Variants in CEMIP observed in about 807,000 individuals in gnomAD.
CEMIP encodes the protein cell migration inducing hyaluronidase 1, also known as cell migration-inducing and hyaluronan-binding protein.
A neutral mutation model predicts 156.9 loss-of-function variants in CEMIP; 105 were observed. That is an observed-to-expected ratio of 0.67 (90% CI 0.57 to 0.79). The LOEUF (loss-of-function observed/expected upper bound fraction) is 0.79, where lower values mean the gene tolerates loss of function less well. CEMIP is among the 30% of genes least tolerant of loss of function. The pLI is 0.00. For synonymous variants in CEMIP, 676 were observed against 668.4 expected (o/e 1.01, Z -0.17); for missense variants, 1,457 against 1,769.4 (o/e 0.82, Z 3.17).
At chr15:80,852,503 C>T (rs8034432) in intron 1 of CEMIP, among the ~76,000 whole-genome samples, 4,382 of 152,104 alleles carry the variant, frequency 0.029, 199 homozygotes, top group African/African-American at 0.09. Flanking sequence ...TTAATAGTTG[C>T]GTATCGAAGA....
chr15:80,882,374 A>C (rs1898691270), intron 6 of CEMIP, among the ~76,000 whole-genome samples: 1 of 151,294 alleles, frequency 6.6e-6, no homozygotes, highest in African/African-American at 2.5e-5. Context: ...AAATTTACTC[A>C]GTCACAAGGT....
chr15:80,839,140 C>T (rs531808308), intron 1 of CEMIP, among the ~76,000 whole-genome samples: 6 of 152,234 alleles, frequency 3.9e-5, no homozygotes, highest in East Asian at 3.9e-4. Flanking sequence ...GAAGTGGTGG[C>T]AGCCACACTC....
chr15:80,919,393 G>A (rs146843144), intron 14 of CEMIP, among the ~76,000 whole-genome samples: 4 of 152,146 alleles, frequency 2.6e-5, no homozygotes, highest in South Asian at 2.1e-4. Context: ...CCATCAGGGT[G>A]GGTGCACGTG....
chr15:80,901,720 T>G (rs944139297), intron 12 of CEMIP, among the ~76,000 whole-genome samples: 15 of 150,166 alleles, frequency 1.0e-4, no homozygotes, highest in Non-Finnish European at 1.5e-4. Context: ...AAAAAAAAAT[T>G]GATTCCTCAG....
At chr15:80,794,931 C>A (rs931947670) in intron 1 of CEMIP, among the ~76,000 whole-genome samples, 11 of 152,110 alleles carry the variant, frequency 7.2e-5, no homozygotes, top group Non-Finnish European at 1.5e-4. Flanking sequence ...GAGAAAGCCT[C>A]TTTTGGGAAG....
chr15:80,830,220 T>A (rs1169377597), intron 1 of CEMIP, among the ~76,000 whole-genome samples: 1 of 152,192 alleles, frequency 6.6e-6, no homozygotes, highest in African/African-American at 2.4e-5. Flanking sequence ...TATTGGTCAT[T>A]GGCTCAGCAT....
chr15:80,944,679 G>A lies in CEMIP; in HGVS notation c.3857+1577G>A, dbSNP rs148402370. On this transcript the variant is annotated intron_variant, in intron 28 of 29. Transcript: ENST00000394685. Reference sequence around the variant, plus strand: ...TCATTCCCCCATCAGATGCTTCTTCGGCATTCTATTTTTCATATGCAGATT... The same window carrying A: ...TCATTCCCCCATCAGATGCTTCTTCAGCATTCTATTTTTCATATGCAGATT... 7.2e-5 allele frequency among the ~76,000 whole-genome samples: 11 copies of A among 152,154 alleles called. No homozygotes were observed. The East Asian group carries it at 1.9e-3, about 27-fold the overall frequency.
In CEMIP at chr15:80,909,102, T is replaced by C. The variant is rs148924648; in HGVS notation, c.1593T>C (p.Ala531=). ...FDTFGGHIKF[A]LGFKAAHLEG... is the part of the protein sequence containing the mutation. ...TCTCGGTTCTCCTCTCCTAGTTTGC[T>C]CTGGGATTTAAGGCAGCACACTTGG... The change falls in exon 14 of 30, where the codon GCT becomes GCC. Residue 531 remains alanine, a synonymous_variant. Coordinates refer to ENST00000394685, the MANE Select transcript of CEMIP (RefSeq NM_001293298.2). 1.2e-6 allele frequency: 2 copies of C among 1,613,850 alleles called. No individual in the cohort carries two copies. The highest frequency in any genetic ancestry group is 1.7e-6 in the Non-Finnish European group (2 of 1,179,980).
At chr15:80,842,023 G>C in intron 1 of CEMIP, 1 of 481,338 alleles carries the variant, frequency 2.1e-6, no homozygotes, top group Non-Finnish European at 4.1e-6. Context: ...ACTGATTTGA[G>C]ACAGTGACAA....
Position 80,920,154 on chromosome 15 carries a change from G to A in CEMIP, c.1858G>A (p.Glu620Lys). Residue 620 changes from glutamate (E) to lysine (K), a missense_variant, in exon 15 of 30, where the codon GAG becomes AAG. Glu to Lys is a moderately conservative substitution (Grantham distance 56). Coordinates refer to ENST00000394685, the MANE Select transcript of CEMIP (RefSeq NM_001293298.2). ...GHCFFTEDGP[E>K]ERNTFDHCLG... Reference sequence around the variant, plus strand: ...CTGCTTCTTCACGGAAGATGGGCCGGAGGAACGCAACACTTTTGACCACTG... The same window carrying A: ...CTGCTTCTTCACGGAAGATGGGCCGAAGGAACGCAACACTTTTGACCACTG... 3.1e-6 allele frequency: 5 copies of A among 1,614,202 alleles called. No individual in the cohort carries two copies. The highest frequency in any genetic ancestry group is 4.2e-6 in the Non-Finnish European group (5 of 1,180,032).
At chr15:80,845,532 GC>G (rs1488224872) in intron 1 of CEMIP, among the ~76,000 whole-genome samples, 1 of 152,190 alleles carries the variant, frequency 6.6e-6, no homozygotes, top group Admixed American at 6.5e-5. Context: ...TGTCAGTGGA[GC>G]CTATTTGAGA....
chr15:80,882,196 C>T (rs962907914), intron 6 of CEMIP, among the ~76,000 whole-genome samples: 2 of 152,314 alleles, frequency 1.3e-5, no homozygotes, highest in South Asian at 2.1e-4. Flanking sequence ...AGACACCCAA[C>T]CTTGCCGGTA....
chr15:80,899,779 G>A (rs568845085), intron 12 of CEMIP, among the ~76,000 whole-genome samples: 49 of 152,276 alleles, frequency 3.2e-4, no homozygotes, highest in South Asian at 1.5e-3. Flanking sequence ...TTATAGGAGG[G>A]AGCCAAGAAA....
At chr15:80,942,423 A>C (rs951471474) in intron 27 of CEMIP, 86 bp downstream of exon 27, 1 of 1,161,380 alleles carries the variant, frequency 8.6e-7, no homozygotes, top group African/African-American at 1.5e-5. Context: ...AAATTACTGC[A>C]AACTGGGAGC....
intron 1 of CEMIP, among the ~76,000 whole-genome samples, chr15:80,806,935 T>A (rs1896527873): frequency 6.6e-6 from 1 of 152,202 alleles, no homozygotes; most frequent in East Asian, 1.9e-4. Context: ...GATGAGATAA[T>A]CATCTGCATG....
At chr15:80,808,293 C>T (rs1317103882) in intron 1 of CEMIP, among the ~76,000 whole-genome samples, 1 of 152,180 alleles carries the variant, frequency 6.6e-6, no homozygotes, top group Non-Finnish European at 1.5e-5. Flanking sequence ...CCACCTGCAG[C>T]CTTCCACTGC....
At position 80,894,933 on chromosome 15, in the gene CEMIP, C is replaced by T. The variant is rs577929266; in HGVS notation, c.1087-57C>T. The T allele has an allele frequency of 1.5e-5, 24 of 1,598,730 alleles. No individual in the cohort carries two copies. The African/African-American group carries it at 2.8e-4, about 19-fold the overall frequency. On this transcript the variant is annotated intron_variant, in intron 10 of 29. Coordinates refer to ENST00000394685, the MANE Select transcript of CEMIP (RefSeq NM_001293298.2). ...ATATGTTTAGAACATTAATCAGCAC[C>T]TTCCTTCTCTATAAAAAAAAAACGA...
chr15:80,910,193 A>T (rs571503074), intron 14 of CEMIP, among the ~76,000 whole-genome samples: 14 of 152,328 alleles, frequency 9.2e-5, no homozygotes, highest in African/African-American at 2.9e-4. Context: ...CTACATAAAA[A>T]TCTGGATTCC....
In CEMIP at chr15:80,881,133, A is replaced by G; in HGVS notation, c.614A>G (p.Asp205Gly). The G allele has an allele frequency of 6.2e-7, 1 of 1,613,496 alleles. No homozygotes were observed. Among genetic ancestry groups the G allele is most frequent in the Non-Finnish European group, 8.5e-7 (1 of 1,179,444 alleles). ...DPKSGTVIHS[D>G]RFDTYRSKKE... The stretch of plus-strand genomic sequence containing the variant: ...AAATCAGGCACAGTCATCCATTCTG[A>G]CCGGTAAGGTTTGCCTTCACTTAAA... Residue 205 changes from aspartate (D) to glycine (G), a missense_variant, in exon 6 of 30, where the codon GAC (aspartate) becomes GGC (glycine). Asp to Gly is a moderately conservative substitution (Grantham distance 94, BLOSUM62 -1). Transcript: ENST00000394685.
Sources: allele counts gnomAD v4.1 joint callset (sites outside exome capture counted in the v4.1 genomes callset), GRCh38; gene constraint gnomAD v4.1.1; transcripts MANE v1.5; gene names NCBI Gene and HGNC (gene_info 2026-07-23, HGNC 2026-07-21).